TAGLN3: variants seen among roughly 807,000 people sequenced by gnomAD.
TAGLN3 encodes transgelin-3.
TAGLN3 carries 12 observed loss-of-function variants against 25.4 expected under a neutral mutation model. The observed-to-expected ratio is 0.47, with a 90% CI of 0.30 to 0.77. The LOEUF (loss-of-function observed/expected upper bound fraction) is 0.77. Ranked by LOEUF, TAGLN3 falls within the 30% of genes least tolerant of loss-of-function variation. The pLI is 0.06. For missense variants in TAGLN3, 218 were observed against 255.8 expected (o/e 0.85, Z 1.01); for synonymous variants, 96 against 94.8 (o/e 1.01, Z -0.08).
intron 3 of TAGLN3, among the ~76,000 whole-genome samples, chr3:112,009,427 G>C (rs1418409429): frequency 1.3e-5 from 2 of 152,154 alleles, no homozygotes; most frequent in Admixed American, 6.5e-5. Context: ...CCTCTGGCCT[G>C]GCACAAAACA....
chr3:112,008,874 A>G (rs1198836293), intron 3 of TAGLN3, among the ~76,000 whole-genome samples: 1 of 152,210 alleles, frequency 6.6e-6, no homozygotes, highest in Non-Finnish European at 1.5e-5. Context: ...GAGACTGGGT[A>G]ATTCATAAAG....
chr3:112,009,939 T>A (rs1174455855), intron 3 of TAGLN3, among the ~76,000 whole-genome samples: 1 of 151,702 alleles, frequency 6.6e-6, no homozygotes, highest in Non-Finnish European at 1.5e-5. Flanking sequence ...CTCTCTGGGT[T>A]CATGTAGTAG....
Position 112,000,415 on chromosome 3 carries a change from G to A in TAGLN3, c.181-357G>A, listed in dbSNP as rs191500734. The A allele has an allele frequency of 3.8e-4, 69 of 181,566 alleles. No homozygotes were observed. The Middle Eastern group carries it at 0.011, about 30-fold the overall frequency. The allele number at this position is 181,566 out of a possible 1,614,324, so 11.2% of individuals were successfully genotyped here. A position where few individuals can be genotyped will look rare whatever the true frequency, so the allele number is the denominator to read the frequency against. On this transcript the variant is annotated intron_variant, in intron 2 of 4. Coordinates refer to ENST00000478951, the MANE Select transcript of TAGLN3 (RefSeq NM_001008272.2). ...CTCTGCCAACCTCAGGAGCCACTAAGTCATTCCTCCTTTGAAAGTCTAGAA... is the reference window on the plus strand; with the variant it reads ...CTCTGCCAACCTCAGGAGCCACTAAATCATTCCTCCTTTGAAAGTCTAGAA...
chr3:112,007,874 T>C (rs1331593025), intron 3 of TAGLN3, among the ~76,000 whole-genome samples: 1 of 152,244 alleles, frequency 6.6e-6, no homozygotes, highest in African/African-American at 2.4e-5. Context: ...GGGGATGTTT[T>C]TAAACATTGA....
intron 3 of TAGLN3, among the ~76,000 whole-genome samples, chr3:112,004,688 T>C (rs774757): frequency 0.38 from 57,280 of 152,114 alleles, 11,177 homozygotes; most frequent in Middle Eastern, 0.48. Flanking sequence ...TGGTTCATGA[T>C]GATAGTAGAA....
intron 3 of TAGLN3, among the ~76,000 whole-genome samples, chr3:112,008,146 G>C (rs2072937824): frequency 1.3e-5 from 2 of 152,232 alleles, no homozygotes; most frequent in South Asian, 4.2e-4. Context: ...TATTTTAAAA[G>C]AGATGCCCCC....
At chr3:112,006,868 C>T (rs1379938900) in intron 3 of TAGLN3, among the ~76,000 whole-genome samples, 2 of 152,138 alleles carry the variant, frequency 1.3e-5, no homozygotes, top group Non-Finnish European at 2.9e-5. Flanking sequence ...TGGGTTGGGG[C>T]CTTACAATGC....
Position 112,013,512 on chromosome 3 carries a change from G to A in TAGLN3, c.561G>A (p.Ala187=), listed in dbSNP as rs1213538037. Residue 187 remains alanine (A), a synonymous_variant, in exon 5 of 5, where the codon GCG becomes GCA. Transcript: ENST00000478951. ...QMGSNKGASQ[A]GMTGYGMPRQ... Reference sequence around the variant, plus strand: ...GCAGCAACAAGGGAGCCTCCCAGGCGGGCATGACAGGGTACGGGATGCCCA... The same window carrying A: ...GCAGCAACAAGGGAGCCTCCCAGGCAGGCATGACAGGGTACGGGATGCCCA... The A allele has an allele frequency of 5.6e-6, 9 of 1,614,194 alleles. No homozygotes were observed. The highest frequency in any genetic ancestry group is 3.3e-5 in the Admixed American group (2 of 60,020).
Position 112,013,874 on chromosome 3 carries a change from T to C in TAGLN3, c.*323T>C. 2.7e-6 allele frequency: 1 copy of C among 366,642 alleles called. No homozygotes were observed. Among genetic ancestry groups the C allele is most frequent in the East Asian group, 6.6e-5 (1 of 15,228 alleles). 22.7% of individuals were successfully genotyped at this position (366,642 alleles called of 1,614,324 possible). A position where few individuals can be genotyped will look rare whatever the true frequency, so the allele number is the denominator to read the frequency against. ...TATAGAATGCACCTAATAAAGTAAT[T>C]AGTCTTGTGTCTTACAGTGTAAAGT... On this transcript the variant is annotated 3_prime_UTR_variant, in exon 5 of 5. Coordinates refer to ENST00000478951, the MANE Select transcript of TAGLN3 (RefSeq NM_001008272.2).
At chr3:112,009,703 A>G (rs2072954860) in intron 3 of TAGLN3, among the ~76,000 whole-genome samples, 1 of 152,216 alleles carries the variant, frequency 6.6e-6, no homozygotes, top group Admixed American at 6.5e-5. Context: ...TTGAGATGAC[A>G]TATACAGTGT....
In TAGLN3 at chr3:112,013,476, C is replaced by T; in HGVS notation, c.525C>T (p.Gly175=). 6.2e-7 allele frequency: 1 copy of T among 1,614,230 alleles called. No homozygotes were observed. The highest frequency in any genetic ancestry group is 8.5e-7 in the Non-Finnish European group (1 of 1,180,036). ...EQLRQGQNVI[G]LQMGSNKGAS... is the part of the protein sequence containing the mutation. Reference sequence around the variant, plus strand: ...TTCGCCAGGGACAGAACGTAATAGGCCTGCAGATGGGCAGCAACAAGGGAG... The same window carrying T: ...TTCGCCAGGGACAGAACGTAATAGGTCTGCAGATGGGCAGCAACAAGGGAG... Residue 175 remains glycine, a synonymous_variant, in exon 5 of 5, where the codon GGC becomes GGT. Coordinates refer to ENST00000478951, the MANE Select transcript of TAGLN3 (RefSeq NM_001008272.2).
At chr3:112,001,895 G>T (rs1037915544) in intron 3 of TAGLN3, among the ~76,000 whole-genome samples, 1 of 152,210 alleles carries the variant, frequency 6.6e-6, no homozygotes, top group African/African-American at 2.4e-5. Flanking sequence ...GGTTGAAATA[G>T]ATTTCTAGCA....
rs548592085 is a variant in TAGLN3 at position 111,999,727 on chromosome 3, A to T, written c.180+125A>T. 21 of 1,238,204 alleles carry T rather than the reference A, an allele frequency of 1.7e-5. No individual in the cohort carries two copies. The South Asian group carries it at 3.2e-4, about 19-fold the overall frequency. The allele number at this position is 1,238,204 out of a possible 1,614,324, so 76.7% of individuals were successfully genotyped here. On this transcript the variant is annotated intron_variant, in intron 2 of 4. Coordinates refer to ENST00000478951, the MANE Select transcript of TAGLN3 (RefSeq NM_001008272.2). ...AAGCTCTATGTCTCACCGGGAGGGG[A>T]TGAGAATGCCTTTATTTCTTCAGGG...
intron 4 of TAGLN3, 83 bp downstream of exon 4, chr3:112,011,948 CT>C: frequency 2.3e-6 from 3 of 1,300,036 alleles, no homozygotes; most frequent in South Asian, 1.4e-5. Flanking sequence ...TCTACAGAGG[CT>C]TTATGTGCAA....
chr3:112,008,799 T>C (rs1278245240), intron 3 of TAGLN3, among the ~76,000 whole-genome samples: 1 of 152,212 alleles, frequency 6.6e-6, no homozygotes, highest in East Asian at 1.9e-4. Flanking sequence ...CATAGTGTTA[T>C]TTAGAATTTT....
At chr3:112,005,199 CTT>C (rs2072903367) in intron 3 of TAGLN3, among the ~76,000 whole-genome samples, 1 of 152,090 alleles carries the variant, frequency 6.6e-6, no homozygotes, top group Non-Finnish European at 1.5e-5. Flanking sequence ...TAATGCCTCT[CTT>C]TTGTAGAATT....
intron 3 of TAGLN3, among the ~76,000 whole-genome samples, chr3:112,009,183 T>C (rs1320399374): frequency 6.6e-6 from 1 of 152,082 alleles, no homozygotes; most frequent in African/African-American, 2.4e-5. Flanking sequence ...ACCTCCCACA[T>C]TGGAGGTCAC....
intron 2 of TAGLN3, chr3:112,000,517 A>T (rs992541775): frequency 1.6e-5 from 6 of 374,060 alleles, no homozygotes; most frequent in African/African-American, 1.2e-4. Flanking sequence ...AGGGAGGAAC[A>T]GGGAGGGAAT....
chr3:112,011,705 T>G (rs984225877), intron 3 of TAGLN3, 58 bp from the exon 4 acceptor site: 7 of 1,523,402 alleles, frequency 4.6e-6, no homozygotes, highest in Middle Eastern at 2.2e-4. Flanking sequence ...AGCCGTATCC[T>G]TCCAGCATTC....
Sources: allele counts gnomAD v4.1 joint callset (sites outside exome capture counted in the v4.1 genomes callset), GRCh38; gene constraint gnomAD v4.1.1; transcripts MANE v1.5; gene names NCBI Gene and HGNC (gene_info 2026-07-23, HGNC 2026-07-21).